Variants in GABRB3 observed in about 807,000 individuals in gnomAD.
GABRB3 encodes the protein gamma-aminobutyric acid receptor subunit beta-3.
Under a neutral mutation model 52.1 loss-of-function variants are expected in GABRB3, and 14 were observed. That is an observed-to-expected ratio of 0.27 (90% CI 0.18 to 0.42). The LOEUF is 0.42. Among genes scored for constraint, GABRB3 ranks in the 10% least tolerant of loss-of-function variants. The pLI is 1.00. For missense variants in GABRB3, 307 were observed against 609.1 expected (o/e 0.50, Z 5.22); for synonymous variants, 260 against 232.3 (o/e 1.12, Z -1.08).
rs1891189200 is a variant in GABRB3, at chr15:26,772,782, G to A, written c.81-10C>T. 6.5e-7 allele frequency: 1 copy of A among 1,541,888 alleles called. No individual in the cohort carries two copies. The highest frequency in any genetic ancestry group is 1.2e-5 in the South Asian group (1 of 83,644). On this transcript the variant is annotated splice_polypyrimidine_tract_variant and intron_variant, in intron 1 of 8. Coordinates refer to ENST00000311550, the MANE Select transcript of GABRB3 (RefSeq NM_000814.6). ...CCCGGGATCGTTCACACTGGGGGAG[G>A]GACGGGGAGCACAAAGAGCGGGGTC...
At chr15:26,583,555 G>C (rs1238663303) in intron 4 of GABRB3, 141 bp from the exon 5 acceptor site, 3 of 656,928 alleles carry the variant, frequency 4.6e-6, no homozygotes, top group Non-Finnish European at 8.3e-6. Context: ...TATATATAGA[G>C]AGAAACTTGA....
intron 3 of GABRB3, among the ~76,000 whole-genome samples, chr15:26,637,058 C>T (rs1289672078): frequency 6.6e-6 from 1 of 152,212 alleles, no homozygotes; most frequent in Non-Finnish European, 1.5e-5. Context: ...GTTCAAAACC[C>T]TACAGTGGCT....
chr15:26,641,532 G>C lies in GABRB3; in HGVS notation c.241-19998C>G, dbSNP rs142144000. 4.3e-3 allele frequency among the ~76,000 whole-genome samples: 659 copies of C among 152,354 alleles called. 3 individuals are homozygous for C. Among genetic ancestry groups the C allele is most frequent in the African/African-American group, 0.015 (626 of 41,592 alleles). ...GCATTCCTATGGAATACAAACTCTT[G>C]GTTAGAATGAAGGTTTCCAGCATTC... On this transcript the variant is annotated intron_variant, in intron 3 of 8. Transcript: ENST00000311550.
At chr15:26,564,461 A>G (rs1890092737) in intron 7 of GABRB3, among the ~76,000 whole-genome samples, 1 of 152,192 alleles carries the variant, frequency 6.6e-6, no homozygotes, top group African/African-American at 2.4e-5. Flanking sequence ...ACAGGCCCTG[A>G]GTCCCTCCCG....
chr15:26,752,685 C>T (rs558156211), intron 3 of GABRB3, among the ~76,000 whole-genome samples: 2 of 152,102 alleles, frequency 1.3e-5, no homozygotes, highest in Non-Finnish European at 2.9e-5. Flanking sequence ...TATAATCAAG[C>T]GAATGAATAT....
chr15:26,733,775 C>T (rs1204128429), intron 3 of GABRB3, among the ~76,000 whole-genome samples: 1 of 152,124 alleles, frequency 6.6e-6, no homozygotes, highest in Non-Finnish European at 1.5e-5. Flanking sequence ...TAAACACAGA[C>T]ACACAGATCA....
chr15:26,706,655 T>C (rs4906894), intron 3 of GABRB3, among the ~76,000 whole-genome samples: 1 of 151,994 alleles, frequency 6.6e-6, no homozygotes, highest in South Asian at 2.1e-4. Flanking sequence ...GGTAAATGCA[T>C]GAATAGAGTA....
intron 4 of GABRB3, among the ~76,000 whole-genome samples, chr15:26,605,497 A>T (rs1330055071): frequency 1.3e-5 from 2 of 152,224 alleles, no homozygotes; most frequent in African/African-American, 4.8e-5. Flanking sequence ...AACAGCCAAG[A>T]TTTGGAGGCA....
rs756669648 is a variant in GABRB3, at chr15:26,772,724, C to T, written c.129G>A (p.Lys43=). Residue 43 remains lysine, a synonymous_variant, in exon 2 of 9, where the codon AAG becomes AAA. Transcript: ENST00000311550. ...NMSFVKETVD[K]LLKGYDIRLR... ...GGCGAATGTCGTAGCCTTTCAACAG[C>T]TTGTCCACCGTCTCCTTCACAAAGG... 6.3e-7 allele frequency: 1 copy of T among 1,577,198 alleles called. No individual in the cohort carries two copies. Among genetic ancestry groups the T allele is most frequent in the Non-Finnish European group, 8.6e-7 (1 of 1,161,238 alleles).
intron 7 of GABRB3, among the ~76,000 whole-genome samples, chr15:26,566,093 G>A (rs1417987939): frequency 6.6e-6 from 1 of 152,050 alleles, no homozygotes; most frequent in Non-Finnish European, 1.5e-5. Flanking sequence ...ACATTACTGG[G>A]GAAGATCTGC....
At chr15:26,696,720 C>T (rs919450268) in intron 3 of GABRB3, among the ~76,000 whole-genome samples, 1 of 152,182 alleles carries the variant, frequency 6.6e-6, no homozygotes, top group African/African-American at 2.4e-5. Context: ...GCCACGTCGA[C>T]CCATTCACCA....
intron 4 of GABRB3, among the ~76,000 whole-genome samples, chr15:26,604,903 A>T (rs1047673655): frequency 2.0e-5 from 3 of 152,148 alleles, no homozygotes; most frequent in Admixed American, 6.6e-5. Flanking sequence ...TAAACAAAGC[A>T]AAAAGGGACA....
At chr15:26,673,173 C>T (rs1169068368) in intron 3 of GABRB3, among the ~76,000 whole-genome samples, 2 of 152,198 alleles carry the variant, frequency 1.3e-5, no homozygotes, top group Admixed American at 1.3e-4. Flanking sequence ...ACTCAACATT[C>T]ATTAATTCTG....
intron 3 of GABRB3, among the ~76,000 whole-genome samples, chr15:26,738,203 C>T (rs1358383216): frequency 1.3e-5 from 2 of 152,156 alleles, no homozygotes; most frequent in East Asian, 3.9e-4. Flanking sequence ...CTGCCTCAGC[C>T]TCCCACGTAG....
At chr15:26,663,434 T>C (rs1391692314) in intron 3 of GABRB3, among the ~76,000 whole-genome samples, 1 of 152,252 alleles carries the variant, frequency 6.6e-6, no homozygotes, top group East Asian at 1.9e-4. Flanking sequence ...GGGACTGCTA[T>C]GTCTAATCGC....
rs1240533785 is a variant in GABRB3, at chr15:26,554,203, A to ATT, written c.1081-6070_1081-6069insAA. On this transcript the variant is annotated intron_variant, in intron 8 of 8. Coordinates refer to ENST00000311550, the MANE Select transcript of GABRB3 (RefSeq NM_000814.6). ...ATATATATATATACTATATATATAT[A>ATT]TATATAGTAGAAACAAGGTCTCTCT... Among the ~76,000 whole-genome samples the ATT allele has an allele frequency of 2.0e-3, 91 of 45,800 alleles. 8 individuals carry two copies. The highest frequency in any genetic ancestry group is 3.7e-3 in the African/African-American group (66 of 17,890). The allele number at this position is 45,800 out of a possible 152,430, so 30.0% of individuals were successfully genotyped here.
intron 3 of GABRB3, among the ~76,000 whole-genome samples, chr15:26,761,749 C>A (rs960600302): frequency 6.6e-6 from 1 of 152,102 alleles, no homozygotes; most frequent in African/African-American, 2.4e-5. Flanking sequence ...CTTCAGGGAG[C>A]CGTATTTTGT....
At chr15:26,601,279 AG>A (rs1595472638) in intron 4 of GABRB3, among the ~76,000 whole-genome samples, 1 of 152,026 alleles carries the variant, frequency 6.6e-6, no homozygotes, top group Non-Finnish European at 1.5e-5. Flanking sequence ...AAACTTAGCC[AG>A]GCACCTGTAA....
chr15:26,632,621 G>A (rs1892941864), intron 3 of GABRB3, among the ~76,000 whole-genome samples: 2 of 152,202 alleles, frequency 1.3e-5, no homozygotes, highest in Admixed American at 6.5e-5. Context: ...CCAGGGAAAT[G>A]TAAGAGAGAT....
Sources: allele counts gnomAD v4.1 joint callset (sites outside exome capture counted in the v4.1 genomes callset), GRCh38; gene constraint gnomAD v4.1.1; transcripts MANE v1.5; gene names NCBI Gene and HGNC (gene_info 2026-07-23, HGNC 2026-07-21).